The following ZNF462 variants were observed in gnomAD, a reference collection of about 807,000 sequenced individuals.
ZNF462 encodes the protein zinc finger PBX1-interacting protein.
ZNF462 carries 10 observed loss-of-function variants against 201.9 expected under a neutral mutation model. The observed-to-expected ratio is 0.05, with a 90% CI of 0.03 to 0.08. The LOEUF is 0.08. Among genes scored for constraint, ZNF462 ranks in the 10% least tolerant of loss-of-function variants. The probability of loss-of-function intolerance (pLI) is 1.00; values close to 1 mark genes in which losing one functional copy is unlikely to be tolerated. For synonymous variants in ZNF462, 1,227 were observed against 1,193.3 expected, an observed-to-expected ratio of 1.03 and a Z score of -0.58; for missense variants, 2,523 against 3,168.3, an observed-to-expected ratio of 0.80 and a Z score of 4.89.
chr9:106,877,514 C>T (rs1435284866), intron 1 of ZNF462, among the ~76,000 whole-genome samples: 2 of 151,488 alleles, frequency 1.3e-5, no homozygotes, highest in Non-Finnish European at 2.9e-5. Flanking sequence ...CTCAGCCTCC[C>T]GAGTAGCTGG....
At chr9:106,991,409 T>C (rs1055756522) in intron 10 of ZNF462, among the ~76,000 whole-genome samples, 1 of 151,964 alleles carries the variant, frequency 6.6e-6, no homozygotes, top group Non-Finnish European at 1.5e-5. Flanking sequence ...AAAACTAAAT[T>C]AATGCAATAT....
Position 106,935,282 on chromosome 9 carries a change from CA to C in ZNF462, c.6117-213del, listed in dbSNP as rs141829170. The stretch of plus-strand genomic sequence containing the variant: ...GTTACCACTGCCATATCTCTAAATC[CA>C]AAAAAAACTCTTGATCTCTTCCTTT... On this transcript the variant is annotated intron_variant, in intron 5 of 12. Transcript: ENST00000277225. The surrounding 1 kb of genome is among the most constrained non-coding windows in gnomAD (Gnocchi z 4.1). Among the ~76,000 whole-genome samples, 4 of 151,350 alleles carry C rather than the reference CA, an allele frequency of 2.6e-5. No homozygotes were observed. The highest frequency in any genetic ancestry group is 5.9e-5 in the Non-Finnish European group (4 of 67,824).
intron 10 of ZNF462, among the ~76,000 whole-genome samples, chr9:106,995,328 C>G (rs1236631996): frequency 6.6e-6 from 1 of 152,030 alleles, no homozygotes; most frequent in East Asian, 1.9e-4. Context: ...TCTGGGTACT[C>G]TATGATTCTT....
chr9:106,881,574 A>G (rs1828099462), intron 1 of ZNF462, among the ~76,000 whole-genome samples: 1 of 152,206 alleles, frequency 6.6e-6, no homozygotes, highest in Non-Finnish European at 1.5e-5. Context: ...CTTTCCTCCC[A>G]TCTTTGAGTT....
intron 1 of ZNF462, among the ~76,000 whole-genome samples, chr9:106,918,595 C>T (rs139432854): frequency 0.01 from 1,541 of 152,218 alleles, 36 homozygotes; most frequent in African/African-American, 0.035. Context: ...AGCAACCCAA[C>T]ATTTATAAGT....
intron 6 of ZNF462, among the ~76,000 whole-genome samples, chr9:106,937,268 T>C (rs1405094779): frequency 2.0e-5 from 3 of 152,084 alleles, no homozygotes; most frequent in African/African-American, 7.2e-5. Flanking sequence ...TATATTGTCA[T>C]ATATATATTC....
intron 1 of ZNF462, among the ~76,000 whole-genome samples, chr9:106,912,010 C>T (rs1208518763): frequency 1.3e-5 from 2 of 152,170 alleles, no homozygotes; most frequent in Admixed American, 1.3e-4. Flanking sequence ...TAGTCTGAGT[C>T]ATTCACTAGA....
At chr9:106,921,938 G>C (rs1179512413) in intron 1 of ZNF462, among the ~76,000 whole-genome samples, 1 of 152,236 alleles carries the variant, frequency 6.6e-6, no homozygotes, top group Non-Finnish European at 1.5e-5. Context: ...CTGGGTGAAA[G>C]AAGAGGAGGT....
intron 7 of ZNF462, among the ~76,000 whole-genome samples, chr9:106,947,552 A>G (rs1831165318): frequency 6.6e-6 from 1 of 152,174 alleles, no homozygotes; most frequent in South Asian, 2.1e-4. Flanking sequence ...TCTTTGTTCA[A>G]TTCCCAAGTG....
Position 106,926,388 on chromosome 9 carries a change from G to A in ZNF462, c.2476G>A (p.Gly826Arg). 1 of 1,614,156 alleles carries A rather than the reference G, an allele frequency of 6.2e-7. No individual in the cohort carries two copies. Among genetic ancestry groups the A allele is most frequent in the Non-Finnish European group, 8.5e-7 (1 of 1,180,030 alleles). Residue 826 changes from glycine to arginine, a missense_variant, in exon 3 of 13, where the codon GGG (glycine) becomes AGG (arginine). By Grantham distance (125) the Gly-to-Arg change is moderately radical. Around this residue, in one of 15 missense-constraint regions of ZNF462, gnomAD observed 383 missense variants for 453.4 expected, o/e 0.84. Coordinates refer to ENST00000277225, the MANE Select transcript of ZNF462 (RefSeq NM_021224.6). The surrounding 1 kb of genome is among the most constrained non-coding windows in gnomAD (Gnocchi z 7.9). ...ALLNTQTPIY[G>R]TEHNSENTDF... ...GCTGAATACCCAAACTCCCATCTAT[G>A]GGACTGAGCACAATAGTGAAAACAC...
In ZNF462 at chr9:106,993,228, G is replaced by A. The variant is rs60858521; in HGVS notation, c.7056+8819G>A. Among the ~76,000 whole-genome samples, 16,185 of 152,102 alleles carry A rather than the reference G, an allele frequency of 0.11. 2,225 individuals carry two copies. Among genetic ancestry groups the A allele is most frequent in the African/African-American group, 0.32 (13,198 of 41,470 alleles). The stretch of plus-strand genomic sequence containing the variant: ...AAGGTTATAAACCTCAGGAACATCT[G>A]TAAAGATGTCAGACTATATCATCCA... On this transcript the variant is annotated intron_variant, in intron 10 of 12. Coordinates refer to ENST00000277225, the MANE Select transcript of ZNF462 (RefSeq NM_021224.6). The surrounding 1 kb of genome is among the most constrained non-coding windows in gnomAD (Gnocchi z 4.0).
In ZNF462 at chr9:106,926,779, C is replaced by T. The variant is rs754650076; in HGVS notation, c.2867C>T (p.Ala956Val). ...RMHPTVKINN[A>V]MIFSSYVVEQ... ...CATCCCACGGTGAAGATCAACAACG[C>T]GATGATATTTTCAAGCTATGTCGTG... The change falls in exon 3 of 13, where the codon GCG (alanine) becomes GTG (valine). Residue 956 changes from alanine (A) to valine (V), a missense_variant. Physicochemically the swap from Ala to Val is moderately conservative, Grantham distance 64. Around this residue, in one of 15 missense-constraint regions of ZNF462, gnomAD observed 280 missense variants for 321.3 expected, o/e 0.87. Coordinates refer to ENST00000277225, the MANE Select transcript of ZNF462 (RefSeq NM_021224.6). This position sits in a 1 kb window ranked among gnomAD's most constrained non-coding sequence, Gnocchi z 7.9. The T allele has an allele frequency of 1.2e-6, 2 of 1,614,102 alleles. No homozygotes were observed. The highest frequency in any genetic ancestry group is 1.7e-6 in the Non-Finnish European group (2 of 1,180,034).
intron 1 of ZNF462, among the ~76,000 whole-genome samples, chr9:106,867,127 T>C (rs938490435): frequency 2.0e-4 from 30 of 152,212 alleles, no homozygotes; most frequent in African/African-American, 7.0e-4. Context: ...GCATTCTAAC[T>C]GGTTATCTAA....
chr9:107,010,731 T>A lies in ZNF462; in HGVS notation c.7314-92T>A. ...CAAGGCTTTTTGAGGATCAGGAAAA[T>A]AAAGACACTCGAGGGTTTTTATTAT... is the stretch of plus-strand genomic sequence containing the variant. On this transcript the variant is annotated intron_variant, in intron 12 of 12. Transcript: ENST00000277225. The surrounding 1 kb of genome is among the most constrained non-coding windows in gnomAD (Gnocchi z 4.6). The A allele has an allele frequency of 7.9e-7, 1 of 1,264,782 alleles. No homozygotes were observed. Among genetic ancestry groups the A allele is most frequent in the Non-Finnish European group, 1.1e-6 (1 of 939,472 alleles). 78.3% of individuals were successfully genotyped at this position (1,264,782 alleles called of 1,614,324 possible). A position where few individuals can be genotyped will look rare whatever the true frequency, so the allele number is the denominator to read the frequency against.
intron 1 of ZNF462, among the ~76,000 whole-genome samples, chr9:106,907,559 AGT>A (rs1229727509): frequency 6.6e-6 from 1 of 152,000 alleles, no homozygotes; most frequent in Admixed American, 6.6e-5. Flanking sequence ...ATTTTTGGAT[AGT>A]GTCTACTTCT....
upstream of ZNF462, among the ~76,000 whole-genome samples, chr9:106,862,814 C>T (rs549422064): frequency 7.2e-5 from 11 of 152,226 alleles, no homozygotes; most frequent in East Asian, 2.1e-3. This position sits in a 1 kb window ranked among gnomAD's most constrained non-coding sequence, Gnocchi z 4.2. Context: ...CTCTTTTTTC[C>T]CCTAGCCTTT....
intron 7 of ZNF462, among the ~76,000 whole-genome samples, chr9:106,951,264 C>T (rs1831333888): frequency 6.6e-6 from 1 of 152,116 alleles, no homozygotes; most frequent in Admixed American, 6.5e-5. Context: ...TCTTTCTCTT[C>T]TGATTTTTTG....
intron 7 of ZNF462, among the ~76,000 whole-genome samples, chr9:106,946,097 A>C (rs1181011207): frequency 6.6e-6 from 1 of 152,220 alleles, no homozygotes; most frequent in Non-Finnish European, 1.5e-5. Flanking sequence ...TTCCCATGCC[A>C]ACAAAAACAT....
intron 10 of ZNF462, among the ~76,000 whole-genome samples, chr9:107,000,895 G>T (rs1175926643): frequency 1.3e-5 from 2 of 152,152 alleles, no homozygotes; most frequent in African/African-American, 4.8e-5. Context: ...AGGGGTTCCA[G>T]TGTGGACCCC....
Sources: gnomAD v4.1 joint callset for allele counts (sites outside exome capture counted in the v4.1 genomes callset) on GRCh38, gnomAD v4.1.1 for gene constraint, gnomAD v4.1.1 regional missense constraint, Gnocchi (gnomAD v3.1) non-coding constraint, MANE v1.5 for transcripts, NCBI Gene and HGNC (gene_info 2026-07-23, HGNC 2026-07-21) for gene names.